RPN2: variants seen among roughly 807,000 people sequenced by gnomAD.
RPN2 encodes dolichyl-diphosphooligosaccharide--protein glycosyltransferase subunit 2.
Under a neutral mutation model 71.4 loss-of-function variants are expected in RPN2, and 29 were observed. That is an observed-to-expected ratio of 0.41 (90% confidence interval 0.30 to 0.55). RPN2 has a LOEUF of 0.55. Ranked by LOEUF, RPN2 falls within the 20% of genes least tolerant of loss-of-function variation. The pLI is 0.35. For synonymous variants in RPN2, 308 were observed against 305.0 expected (o/e 1.01, Z -0.10); for missense variants, 726 against 774.1 (o/e 0.94, Z 0.74).
At chr20:37,238,487 C>T in intron 16 of RPN2, 1 of 1,500,050 alleles carries the variant, frequency 6.7e-7, no homozygotes, top group Non-Finnish European at 9.2e-7. Flanking sequence ...GAAGCAGGGT[C>T]CCTTCCCCGT....
chr20:37,229,793 A>C (rs745477470), intron 12 of RPN2, 180 bp from the exon 13 acceptor site: 39 of 653,678 alleles, frequency 6.0e-5, no homozygotes, highest in Non-Finnish European at 1.0e-4. Flanking sequence ...TTCAGCAAAT[A>C]CTTGTTTTGT....
chr20:37,203,361 C>CTTTTTT (rs11348988), intron 4 of RPN2, among the ~76,000 whole-genome samples: 6 of 138,144 alleles, frequency 4.3e-5, no homozygotes, highest in Non-Finnish European at 4.7e-5. Flanking sequence ...TTGCTTCAAT[C>CTTTTTT]TTTTTTTTTT....
intron 12 of RPN2, 150 bp downstream of exon 12, chr20:37,228,894 CATAA>C: frequency 1.4e-6 from 1 of 723,116 alleles, no homozygotes; most frequent in South Asian, 1.5e-5. Flanking sequence ...GTGCAGTCTC[CATAA>C]ATAGTCCTGG....
At chr20:37,199,452 A>G (rs2067331897) in intron 4 of RPN2, among the ~76,000 whole-genome samples, 1 of 152,224 alleles carries the variant, frequency 6.6e-6, no homozygotes, top group South Asian at 2.1e-4. Context: ...CCTCGCAGAC[A>G]GAAGGCAAGC....
intron 2 of RPN2, among the ~76,000 whole-genome samples, chr20:37,188,550 T>C (rs752680180): frequency 1.3e-5 from 2 of 152,094 alleles, no homozygotes; most frequent in Non-Finnish European, 2.9e-5. Context: ...TTTATAGTTA[T>C]TTTTGGTAGG....
At chr20:37,196,434 C>T (rs547016782) in intron 2 of RPN2, among the ~76,000 whole-genome samples, 255 of 152,236 alleles carry the variant, frequency 1.7e-3, no homozygotes, top group Non-Finnish European at 2.6e-3. Flanking sequence ...GGGGTTTCAC[C>T]GTGTTAGCCA....
At position 37,213,853 on chromosome 20, in the gene RPN2, A is replaced by G. The variant is rs1384156577; in HGVS notation, c.1080A>G (p.Ala360=). The stretch of plus-strand genomic sequence containing the variant: ...TTGAAGGTGACAACCGGTATATTGC[A>G]AATACCGTAGAGGTAGGTGTTTTTC... ...VEVEGDNRYI[A]NTVELRVKIS... Residue 360 remains alanine, a synonymous_variant, in exon 9 of 17, where the codon GCA becomes GCG. Transcript: ENST00000237530. 3.1e-6 allele frequency: 5 copies of G among 1,612,632 alleles called. No homozygotes were observed. Among genetic ancestry groups the G allele is most frequent in the Non-Finnish European group, 4.2e-6 (5 of 1,178,582 alleles).
chr20:37,226,889 G>A (rs931322207), intron 11 of RPN2, among the ~76,000 whole-genome samples: 2 of 152,196 alleles, frequency 1.3e-5, no homozygotes, highest in Non-Finnish European at 2.9e-5. Flanking sequence ...CTGAAAGACA[G>A]GAATGCGGGA....
At position 37,229,971 on chromosome 20, in the gene RPN2, A is replaced by G. The variant is rs778694219; in HGVS notation, c.1495-2A>G. The G allele has an allele frequency of 2.5e-6, 4 of 1,612,522 alleles. No individual in the cohort carries two copies. Among genetic ancestry groups the G allele is most frequent in the Non-Finnish European group, 3.4e-6 (4 of 1,178,596 alleles). ...TTTTACAGACTGTCCTTATTTTTCT[A>G]GGCTGATGTGGTCATCAAGTTCCCT... On this transcript the variant is annotated splice_acceptor_variant, in intron 12 of 16. Coordinates refer to ENST00000237530, the MANE Select transcript of RPN2 (RefSeq NM_002951.5). LOFTEE classifies it high-confidence loss of function.
chr20:37,193,523 A>G (rs1171424209), intron 2 of RPN2, among the ~76,000 whole-genome samples: 1 of 152,186 alleles, frequency 6.6e-6, no homozygotes, highest in Non-Finnish European at 1.5e-5. Flanking sequence ...TCTGTTTCCA[A>G]TGAGCAATAT....
At chr20:37,237,931 C>T (rs2068446231) in intron 16 of RPN2, among the ~76,000 whole-genome samples, 1 of 152,148 alleles carries the variant, frequency 6.6e-6, no homozygotes, top group Non-Finnish European at 1.5e-5. Context: ...GTGGCTTATG[C>T]CTATAATCCC....
At chr20:37,218,285 A>T (rs1384278894) in intron 9 of RPN2, among the ~76,000 whole-genome samples, 3 of 151,058 alleles carry the variant, frequency 2.0e-5, no homozygotes, top group African/African-American at 7.3e-5. Flanking sequence ...GTATGGTGGC[A>T]TGTACCTGTC....
At chr20:37,220,415 CAG>C (rs1220826708) in intron 9 of RPN2, among the ~76,000 whole-genome samples, 2 of 152,104 alleles carry the variant, frequency 1.3e-5, no homozygotes, top group African/African-American at 4.8e-5. Context: ...GACTGGCTGT[CAG>C]GGGAAGCATC....
chr20:37,201,574 A>G (rs1600771394), intron 4 of RPN2, among the ~76,000 whole-genome samples: 1 of 152,198 alleles, frequency 6.6e-6, no homozygotes, highest in Non-Finnish European at 1.5e-5. Context: ...TAGGAAGAAC[A>G]TACGCTTTGG....
chr20:37,194,933 G>A (rs1003142874), intron 2 of RPN2, among the ~76,000 whole-genome samples: 1 of 152,170 alleles, frequency 6.6e-6, no homozygotes, highest in Non-Finnish European at 1.5e-5. Flanking sequence ...GAGGGCAGAT[G>A]AGAGAGATTT....
At position 37,225,816 on chromosome 20, in the gene RPN2, C is replaced by T. The variant is rs6104138; in HGVS notation, c.1299+14C>T. 5 of 1,526,150 alleles carry T rather than the reference C, an allele frequency of 3.3e-6. No homozygotes were observed. The highest frequency in any genetic ancestry group is 3.6e-6 in the Non-Finnish European group (4 of 1,099,934). The allele number at this position is 1,526,150 out of a possible 1,614,324, so 94.5% of individuals were successfully genotyped here. A position where few individuals can be genotyped will look rare whatever the true frequency, so the allele number is the denominator to read the frequency against. ...ACTCCTCACCAGGTCAGGAAGACAC[C>T]TAGACAGTTCTCTTAACCTGAAATG... On this transcript the variant is annotated intron_variant, in intron 11 of 16. Coordinates refer to ENST00000237530, the MANE Select transcript of RPN2 (RefSeq NM_002951.5).
At chr20:37,228,412 TG>T in intron 11 of RPN2, 137 bp from the exon 12 acceptor site, 1 of 809,584 alleles carries the variant, frequency 1.2e-6, no homozygotes, top group Non-Finnish European at 2.1e-6. Context: ...TTCTACTCTC[TG>T]GGGCAGGTCT....
intron 9 of RPN2, among the ~76,000 whole-genome samples, chr20:37,222,109 T>G (rs1044709729): frequency 1.3e-5 from 2 of 152,242 alleles, no homozygotes; most frequent in Admixed American, 6.5e-5. Context: ...GGTTGTGTTT[T>G]TTGCAAGAAA....
rs141027558 is a variant in RPN2, at chr20:37,189,238, G to A, written c.207+4865G>A. On this transcript the variant is annotated intron_variant, in intron 2 of 16. Transcript: ENST00000237530. The stretch of plus-strand genomic sequence containing the variant: ...GTGTGAGCCACCCCTCTCAGCAATT[G>A]ATATCTTTCAATCCATTTCAATTGT... 3.2e-4 allele frequency among the ~76,000 whole-genome samples: 49 copies of A among 151,972 alleles called. 1 individual carries two copies. The East Asian group carries it at 9.3e-3, about 29-fold the overall frequency.
Sources: gnomAD v4.1 joint callset for allele counts (sites outside exome capture counted in the v4.1 genomes callset) on GRCh38, gnomAD v4.1.1 for gene constraint, MANE v1.5 for transcripts, NCBI Gene and HGNC (gene_info 2026-07-23, HGNC 2026-07-21) for gene names.